Variants in PDE10A observed in about 807,000 individuals in gnomAD.
PDE10A encodes cAMP and cAMP-inhibited cGMP 3',5'-cyclic phosphodiesterase 10A.
Under a neutral mutation model 97.7 loss-of-function variants are expected in PDE10A, and 39 were observed. The observed-to-expected ratio is 0.40, with a 90% CI of 0.31 to 0.52. The LOEUF is 0.52. Ranked by LOEUF, PDE10A falls within the 20% of genes least tolerant of loss-of-function variation. The probability of loss-of-function intolerance (pLI) is 0.56; values close to 1 mark genes in which losing one functional copy is unlikely to be tolerated. For synonymous variants in PDE10A, 371 were observed against 376.8 expected, an observed-to-expected ratio of 0.98 and a Z score of 0.18; for missense variants, 731 against 1,047.8, an observed-to-expected ratio of 0.70 and a Z score of 4.17.
chr6:165,860,837 A>C (rs1204807199), intron 1 of PDE10A, among the ~76,000 whole-genome samples: 1 of 152,202 alleles, frequency 6.6e-6, no homozygotes, highest in Non-Finnish European at 1.5e-5. Flanking sequence ...TCCCTGACCA[A>C]TGCACACAGA....
chr6:165,497,960 T>A lies in PDE10A; in HGVS notation c.995-15617A>T, dbSNP rs528524837. 2.3e-3 allele frequency among the ~76,000 whole-genome samples: 346 copies of A among 152,314 alleles called. 2 individuals are homozygous for A. The highest frequency in any genetic ancestry group is 8.0e-3 in the African/African-American group (333 of 41,570). ...AAATTCATAGTTTAAAATGGCTATT[T>A]ATAAACATCTAAGAAACTTTATAAT... On this transcript the variant is annotated intron_variant, in intron 2 of 21. Transcript: ENST00000539869.
intron 1 of PDE10A, among the ~76,000 whole-genome samples, chr6:165,762,368 A>T (rs1793272295): frequency 6.6e-6 from 1 of 152,230 alleles, no homozygotes; most frequent in Non-Finnish European, 1.5e-5. Context: ...AGCAAGCAGC[A>T]GTACCTAGAC....
chr6:165,431,400 C>A (rs768104631), intron 8 of PDE10A, 22 bp downstream of exon 8: 1 of 1,571,460 alleles, frequency 6.4e-7, no homozygotes, highest in Non-Finnish European at 8.7e-7. Flanking sequence ...GAAGCCCCTG[C>A]AAAAACACCC....
At chr6:165,562,855 G>A (rs1463456394) in intron 1 of PDE10A, among the ~76,000 whole-genome samples, 1 of 152,034 alleles carries the variant, frequency 6.6e-6, no homozygotes, top group Non-Finnish European at 1.5e-5. Flanking sequence ...CTGACATTAT[G>A]GGTTTTGGTT....
Position 165,489,689 on chromosome 6 carries a change from C to A in PDE10A, c.995-7346G>T, listed in dbSNP as rs1019779603. 2.3e-4 allele frequency among the ~76,000 whole-genome samples: 35 copies of A among 151,080 alleles called. 1 individual carries two copies. The highest frequency in any genetic ancestry group is 6.1e-4 in the African/African-American group (25 of 41,170). ...AAGGTGAAATCCAACTTAAAGAAATCAAAAAAAATGACACAGGATATCAAT... is the reference window on the plus strand; with the variant it reads ...AAGGTGAAATCCAACTTAAAGAAATAAAAAAAAATGACACAGGATATCAAT... On this transcript the variant is annotated intron_variant, in intron 2 of 21. Coordinates refer to ENST00000539869, the MANE Select transcript of PDE10A (RefSeq NM_001385079.1).
chr6:165,818,228 C>T (rs764671265), intron 1 of PDE10A, among the ~76,000 whole-genome samples: 3 of 152,130 alleles, frequency 2.0e-5, no homozygotes, highest in East Asian at 1.9e-4. Context: ...CTTATTCACC[C>T]GCCTTTCCCC....
intron 1 of PDE10A, among the ~76,000 whole-genome samples, chr6:165,742,299 T>C (rs1216936093): frequency 6.6e-6 from 1 of 152,148 alleles, no homozygotes; most frequent in Non-Finnish European, 1.5e-5. Flanking sequence ...ATAGTTAACA[T>C]CTATCAAGTG....
At chr6:165,454,189 G>C (rs1356831064) in intron 3 of PDE10A, among the ~76,000 whole-genome samples, 3 of 152,212 alleles carry the variant, frequency 2.0e-5, no homozygotes, top group Admixed American at 6.5e-5. Flanking sequence ...TTTGGAAGTA[G>C]ATGACTTGTT....
chr6:165,844,362 C>T (rs916501088), intron 1 of PDE10A, among the ~76,000 whole-genome samples: 3 of 152,076 alleles, frequency 2.0e-5, no homozygotes, highest in South Asian at 4.1e-4. Flanking sequence ...ACACTCACAG[C>T]GAGCCTTTCT....
At chr6:165,648,409 G>A (rs539391896) in intron 1 of PDE10A, among the ~76,000 whole-genome samples, 87 of 150,754 alleles carry the variant, frequency 5.8e-4, no homozygotes, top group African/African-American at 1.9e-3. Context: ...GCAGGATATC[G>A]ATTAAAAAAA....
At chr6:165,830,387 T>C (rs1779876380) in intron 1 of PDE10A, among the ~76,000 whole-genome samples, 1 of 152,046 alleles carries the variant, frequency 6.6e-6, no homozygotes, top group Non-Finnish European at 1.5e-5. Context: ...GATGCACTAA[T>C]ATTCTCCTCT....
At chr6:165,565,822 C>T (rs972041682) in intron 1 of PDE10A, among the ~76,000 whole-genome samples, 6 of 152,060 alleles carry the variant, frequency 3.9e-5, no homozygotes, top group African/African-American at 2.4e-5. Flanking sequence ...AAATGCAATA[C>T]AGTAGAGAAA....
chr6:165,951,514 C>G (rs1338729392), intron 1 of PDE10A, among the ~76,000 whole-genome samples: 3 of 152,126 alleles, frequency 2.0e-5, no homozygotes, highest in African/African-American at 7.2e-5. Context: ...GCCCCTCCCA[C>G]TGGTCCTGAA....
intron 1 of PDE10A, chr6:165,781,389 G>A (rs1778337529): frequency 6.6e-6 from 1 of 152,236 alleles, no homozygotes; most frequent in Non-Finnish European, 1.5e-5. Flanking sequence ...GAAATGCAAA[G>A]AGATGTAGAG....
chr6:165,441,446 T>G (rs558848305), intron 5 of PDE10A, among the ~76,000 whole-genome samples: 10 of 152,312 alleles, frequency 6.6e-5, no homozygotes, highest in African/African-American at 2.4e-4. Flanking sequence ...CAAACAGCAT[T>G]TATGGTGTAA....
chr6:165,782,679 A>G (rs1281205310), intron 1 of PDE10A, among the ~76,000 whole-genome samples: 3 of 152,218 alleles, frequency 2.0e-5, no homozygotes, highest in Non-Finnish European at 2.9e-5. Flanking sequence ...TATTCATCAT[A>G]AACTAATTCT....
rs370865492 is a variant in PDE10A, at chr6:165,567,993, C to CCTTTTTTTTTTTT, written c.866-24426_866-24425insAAAAAAAAAAAAG. On this transcript the variant is annotated intron_variant, in intron 1 of 21. Transcript: ENST00000539869. ...AGCACACAATAGGTACGCAACAAGG[C>CCTTTTTTTTTTTT]ATTTTTTTTTTTTTTTTTTTTTTGA... Among the ~76,000 whole-genome samples the CCTTTTTTTTTTTT allele has an allele frequency of 2.6e-5, 3 of 115,602 alleles. 1 individual carries two copies. The highest frequency in any genetic ancestry group is 3.1e-4 in the South Asian group (1 of 3,264). The allele number at this position is 115,602 out of a possible 152,430, so 75.8% of individuals were successfully genotyped here. A position where few individuals can be genotyped will look rare whatever the true frequency, so the allele number is the denominator to read the frequency against.
At position 165,384,609 on chromosome 6, in the gene PDE10A, CGTGTGTGTGTATGTGTGAGTGAGTGT is replaced by C. The variant is rs1333641234; in HGVS notation, c.2610+3663_2610+3688del. 6.3e-5 allele frequency among the ~76,000 whole-genome samples: 9 copies of C among 141,960 alleles called. 1 individual carries two copies. The highest frequency in any genetic ancestry group is 2.5e-4 in the African/African-American group (9 of 36,226). 93.1% of individuals were successfully genotyped at this position (141,960 alleles called of 152,430 possible). ...TCCTGCTTTTCCCTACCATGAGTAA[CGTGTGTGTGTATGTGTGAGTGAGTGT>C]GTGTGTGTGTGTGTGTGTGTGTGTG... On this transcript the variant is annotated intron_variant, in intron 17 of 21. Coordinates refer to ENST00000539869, the MANE Select transcript of PDE10A (RefSeq NM_001385079.1).
intron 2 of PDE10A, among the ~76,000 whole-genome samples, chr6:165,501,490 G>A (rs1387337787): frequency 2.0e-5 from 3 of 152,018 alleles, no homozygotes; most frequent in Non-Finnish European, 4.4e-5. Context: ...GGAGAATGGC[G>A]TGAACCCAGG....
Sources: gnomAD v4.1 joint callset for allele counts (sites outside exome capture counted in the v4.1 genomes callset) on GRCh38, gnomAD v4.1.1 for gene constraint, MANE v1.5 for transcripts, NCBI Gene and HGNC (gene_info 2026-07-23, HGNC 2026-07-21) for gene names.